SEPSECS: variants seen among roughly 807,000 people sequenced by gnomAD.
The protein encoded by SEPSECS is Sep (O-phosphoserine) tRNA:Sec (selenocysteine) tRNA synthase, also known as O-phosphoseryl-tRNA(Sec) selenium transferase.
In SEPSECS, 42 loss-of-function variants were observed where a neutral mutation model predicts 52.1. The observed-to-expected ratio is 0.81, with a 90% confidence interval of 0.63 to 1.04. SEPSECS has a LOEUF of 1.04. Among genes scored for constraint, SEPSECS ranks in the 50% least tolerant of loss-of-function variants. The pLI, the probability that SEPSECS is intolerant of heterozygous loss-of-function variation, is 0.00. For missense variants in SEPSECS, 590 were observed against 610.6 expected (o/e 0.97, Z 0.36); for synonymous variants, 216 against 211.4 (o/e 1.02, Z -0.19).
chr4:25,124,435 G>A (rs557295865), intron 10 of SEPSECS, among the ~76,000 whole-genome samples: 13 of 151,968 alleles, frequency 8.6e-5, no homozygotes, highest in East Asian at 3.9e-4. Context: ...GTCCTGCCTC[G>A]TGATTATCGT....
intron 5 of SEPSECS, 34 bp from the exon 6 acceptor site, chr4:25,152,096 T>G (rs1269489594): frequency 1.7e-6 from 2 of 1,205,290 alleles, no homozygotes; most frequent in Non-Finnish European, 2.5e-6. Context: ...AAAGACATAC[T>G]CACACTGTGT....
rs772886245 is a variant in SEPSECS at position 25,156,898 on chromosome 4, T to C, written c.346A>G (p.Lys116Glu). The change falls in exon 3 of 11, where the codon AAA becomes GAA. Residue 116 changes from lysine to glutamate, a missense_variant. By Grantham distance (56) the Lys-to-Glu change is moderately conservative. Transcript: ENST00000382103. ...PKAAGSSLLNKITNSLVLDII... is the reference protein window; with the variant it reads ...PKAAGSSLLNEITNSLVLDII... ...TCCAGGACCAAAGAATTGGTAATTT[T>C]GTTCAAAAGGCTAGAGCCTGCAGCT... is the stretch of plus-strand genomic sequence containing the variant. 1 of 1,612,202 alleles carries C rather than the reference T, an allele frequency of 6.2e-7. No individual in the cohort carries two copies. The highest frequency in any genetic ancestry group is 1.7e-5 in the Admixed American group (1 of 60,014).
intron 1 of SEPSECS, 28 bp downstream of exon 1, chr4:25,160,228 G>C (rs1442214203): frequency 6.5e-6 from 10 of 1,548,960 alleles, no homozygotes; most frequent in Non-Finnish European, 8.7e-6. Context: ...GGTCGCGGCG[G>C]CTGGGGAGGG....
At chr4:25,133,238 T>A (rs1728683799) in intron 8 of SEPSECS, among the ~76,000 whole-genome samples, 1 of 152,176 alleles carries the variant, frequency 6.6e-6, no homozygotes, top group Non-Finnish European at 1.5e-5. Flanking sequence ...TTCCTGTTTA[T>A]TCTACTCTAC....
At chr4:25,153,503 T>G (rs1027918340) in intron 5 of SEPSECS, among the ~76,000 whole-genome samples, 1 of 151,974 alleles carries the variant, frequency 6.6e-6, no homozygotes, top group Non-Finnish European at 1.5e-5. Context: ...TCAAATTGTT[T>G]TCTAACTTAG....
chr4:25,152,974 T>A (rs2109030080), intron 5 of SEPSECS, among the ~76,000 whole-genome samples: 1 of 152,132 alleles, frequency 6.6e-6, no homozygotes, highest in Non-Finnish European at 1.5e-5. Flanking sequence ...GATTTACGCA[T>A]AATACATGTC....
rs1023791209 is a variant in SEPSECS, at chr4:25,121,655, G to A, written c.*2276C>T. ...CTTCAAAAACTCTTGTGAATTCTATGCCCTCAAATTTTAAGCCAGGAGGAA... is the reference window on the plus strand; with the variant it reads ...CTTCAAAAACTCTTGTGAATTCTATACCCTCAAATTTTAAGCCAGGAGGAA... On this transcript the variant is annotated 3_prime_UTR_variant, in exon 11 of 11. Transcript: ENST00000382103. The A allele has an allele frequency of 1.3e-5, 2 of 152,110 alleles. No individual in the cohort carries two copies. Among genetic ancestry groups the A allele is most frequent in the African/African-American group, 2.4e-5 (1 of 41,416 alleles). 9.4% of individuals were successfully genotyped at this position (152,110 alleles called of 1,614,324 possible).
In SEPSECS at chr4:25,139,626, T is replaced by C. The variant is rs147783634; in HGVS notation, c.1026+5148A>G. On this transcript the variant is annotated intron_variant, in intron 8 of 10. Coordinates refer to ENST00000382103, the MANE Select transcript of SEPSECS (RefSeq NM_016955.4). ...GTCTCAATCTCTTGACCTCGTGATCTGCCCACCTTGGCCTCTGAAAGTTGT... is the reference window on the plus strand; with the variant it reads ...GTCTCAATCTCTTGACCTCGTGATCCGCCCACCTTGGCCTCTGAAAGTTGT... Among the ~76,000 whole-genome samples the C allele has an allele frequency of 5.4e-3, 826 of 152,180 alleles. 7 individuals are homozygous for C. Among genetic ancestry groups the C allele is most frequent in the African/African-American group, 0.019 (778 of 41,518 alleles).
chr4:25,159,600 C>T (rs1712922421), intron 1 of SEPSECS: 1 of 397,194 alleles, frequency 2.5e-6, no homozygotes, highest in Non-Finnish European at 5.1e-6. Flanking sequence ...GGTGAAACCC[C>T]ATCTCTACTA....
chr4:25,158,862 T>C (rs1055555599), intron 2 of SEPSECS, 91 bp downstream of exon 2: 13 of 1,301,932 alleles, frequency 1.0e-5, no homozygotes, highest in Non-Finnish European at 1.2e-5. Flanking sequence ...AAACTGACAT[T>C]TGATAATCTA....
chr4:25,143,594 A>G (rs1418405944), intron 8 of SEPSECS, among the ~76,000 whole-genome samples: 1 of 152,194 alleles, frequency 6.6e-6, no homozygotes, highest in East Asian at 1.9e-4. Flanking sequence ...AATGACATTG[A>G]GCATCTTTTC....
Position 25,156,043 on chromosome 4 carries a change from T to C in SEPSECS, c.541A>G (p.Thr181Ala). The change falls in exon 4 of 11, where the codon ACT (threonine) becomes GCT (alanine). Residue 181 changes from threonine to alanine, a missense_variant. Transcript: ENST00000382103. ...DQKSCFKSMI[T>A]AGFEPVVIEN... ...TGTATGACACTTCTCTTACCTGCAG[T>C]GATCATGGATTTAAAGCAGGACTTC... is the stretch of plus-strand genomic sequence containing the variant. 2 of 1,613,626 alleles carry C rather than the reference T, an allele frequency of 1.2e-6. No individual in the cohort carries two copies. Among genetic ancestry groups the C allele is most frequent in the Non-Finnish European group, 1.7e-6 (2 of 1,179,562 alleles).
rs1191936658 is a variant in SEPSECS at position 25,154,979 on chromosome 4, A to G, written c.701+19T>C. On this transcript the variant is annotated intron_variant, in intron 5 of 10. Coordinates refer to ENST00000382103, the MANE Select transcript of SEPSECS (RefSeq NM_016955.4). ...AAGACTGATAAACAGCTAAAGGACA[A>G]TATTCACAAATCATTTACCTATCAG... is the stretch of plus-strand genomic sequence containing the variant. The G allele has an allele frequency of 1.2e-6, 2 of 1,611,984 alleles. No homozygotes were observed.
intron 6 of SEPSECS, among the ~76,000 whole-genome samples, chr4:25,145,549 G>A (rs1026853448): frequency 6.6e-6 from 1 of 152,178 alleles, no homozygotes; most frequent in Non-Finnish European, 1.5e-5. Flanking sequence ...CACGGTTTCA[G>A]TATCAGCTCA....
chr4:25,136,030 A>G (rs751378435), intron 8 of SEPSECS, among the ~76,000 whole-genome samples: 1 of 152,218 alleles, frequency 6.6e-6, no homozygotes, highest in African/African-American at 2.4e-5. Flanking sequence ...CTCTCAATAA[A>G]TTAGGTATTG....
chr4:25,134,726 T>C (rs1014312821), intron 8 of SEPSECS, among the ~76,000 whole-genome samples: 1 of 152,192 alleles, frequency 6.6e-6, no homozygotes, highest in East Asian at 1.9e-4. Flanking sequence ...ATATTATTAT[T>C]TTTATTTATG....
At chr4:25,131,088 A>C (rs1242757648) in intron 8 of SEPSECS, among the ~76,000 whole-genome samples, 2 of 152,230 alleles carry the variant, frequency 1.3e-5, no homozygotes, top group African/African-American at 2.4e-5. Context: ...AAAAATACAA[A>C]ACTTTACACC....
In SEPSECS at chr4:25,148,352, C is replaced by CAAA. The variant is rs34262935; in HGVS notation, c.805-3222_805-3220dup. On this transcript the variant is annotated intron_variant, in intron 6 of 10. Transcript: ENST00000382103. ...TGGGCGACAGAGCGAGACTCCGTCT[C>CAAA]AAAAAAAAAAAAAAAAAAAAAAAAG... Among the ~76,000 whole-genome samples, 59 of 75,582 alleles carry CAAA rather than the reference C, an allele frequency of 7.8e-4. 1 individual carries two copies. The highest frequency in any genetic ancestry group is 0.014 in the Middle Eastern group (1 of 72). The allele number at this position is 75,582 out of a possible 152,430, so 49.6% of individuals were successfully genotyped here.
At chr4:25,126,254 C>T (rs1231908629) in intron 9 of SEPSECS, among the ~76,000 whole-genome samples, 1 of 152,096 alleles carries the variant, frequency 6.6e-6, no homozygotes, top group African/African-American at 2.4e-5. Context: ...TTACTAAGGA[C>T]TCGCCATGCT....
Sources: gnomAD v4.1 joint callset for allele counts (sites outside exome capture counted in the v4.1 genomes callset) on GRCh38, gnomAD v4.1.1 for gene constraint, MANE v1.5 for transcripts, NCBI Gene and HGNC (gene_info 2026-07-23, HGNC 2026-07-21) for gene names.